DCTPP1: variants seen among roughly 807,000 people sequenced by gnomAD.
DCTPP1 encodes dCTP pyrophosphatase 1.
DCTPP1 carries 8 observed loss-of-function variants against 8.8 expected under a neutral mutation model. That is an observed-to-expected ratio of 0.91 (90% CI 0.54 to 1.64). The LOEUF (loss-of-function observed/expected upper bound fraction) is 1.64, where lower values mean the gene tolerates loss of function less well. DCTPP1 is among the 40% of genes most tolerant of loss of function. The probability of loss-of-function intolerance (pLI) is 0.00; values close to 1 mark genes in which losing one functional copy is unlikely to be tolerated. For synonymous variants in DCTPP1, 85 were observed against 92.1 expected (o/e 0.92, Z 0.44); for missense variants, 231 against 230.4 (o/e 1.00, Z -0.02).
intron 2 of DCTPP1, 138 bp downstream of exon 2, chr16:30,428,917 CCT>C: frequency 1.2e-6 from 1 of 864,832 alleles, no homozygotes; most frequent in South Asian, 1.9e-5. Flanking sequence ...ACCCGTGAGT[CCT>C]CTCTGCATCC....
Position 30,429,960 on chromosome 16 carries a change from C to G in DCTPP1, c.21G>C (p.Glu7Asp). MSVAGG[E>D]IRGDTGGEDT... Reference sequence around the variant, plus strand: ...CCTCTCCCCCCGTGTCCCCACGAATCTCCCCACCGGCCACAGACATGCCGC... The same window carrying G: ...CCTCTCCCCCCGTGTCCCCACGAATGTCCCCACCGGCCACAGACATGCCGC... Residue 7 changes from glutamate to aspartate, a missense_variant, in exon 1 of 3, where the codon GAG (glutamate) becomes GAC (aspartate). Glu to Asp is a conservative substitution (Grantham distance 45, BLOSUM62 2). Coordinates refer to ENST00000319285, the MANE Select transcript of DCTPP1 (RefSeq NM_024096.2). 1 of 1,578,646 alleles carries G rather than the reference C, an allele frequency of 6.3e-7. No individual in the cohort carries two copies. The highest frequency in any genetic ancestry group is 2.5e-5 in the East Asian group (1 of 39,944).
chr16:30,428,913 G>A lies in DCTPP1; in HGVS notation c.212+144C>T, dbSNP rs555862703. 3.4e-5 allele frequency: 28 copies of A among 813,948 alleles called. No individual in the cohort carries two copies. In the East Asian group the frequency reaches 6.7e-4, roughly 19 times the overall value. 50.4% of individuals were successfully genotyped at this position (813,948 alleles called of 1,614,324 possible). A position where few individuals can be genotyped will look rare whatever the true frequency, so the allele number is the denominator to read the frequency against. On this transcript the variant is annotated intron_variant, in intron 2 of 2. Coordinates refer to ENST00000319285, the MANE Select transcript of DCTPP1 (RefSeq NM_024096.2). ...GTGCCCCTAGAGGGCAGGGACCCGT[G>A]AGTCCTCTCTGCATCCCAACAACAG...
chr16:30,425,732 G>A (rs1332226573), intron 2 of DCTPP1, among the ~76,000 whole-genome samples: 3 of 151,828 alleles, frequency 2.0e-5, no homozygotes, highest in Non-Finnish European at 2.9e-5. Context: ...CAGAAGAATC[G>A]CTTGAACCCG....
chr16:30,425,010 TG>T (rs1311560478), intron 2 of DCTPP1, among the ~76,000 whole-genome samples: 1 of 152,238 alleles, frequency 6.6e-6, no homozygotes, highest in African/African-American at 2.4e-5. Context: ...TCTTCCGAGT[TG>T]CTGGGATTAC....
At chr16:30,427,158 C>T (rs1325818609) in intron 2 of DCTPP1, among the ~76,000 whole-genome samples, 51 of 151,454 alleles carry the variant, frequency 3.4e-4, no homozygotes, top group Admixed American at 3.2e-3. Context: ...TACAGGCGCC[C>T]GCCACCACGC....
At position 30,429,156 on chromosome 16, in the gene DCTPP1, T is replaced by G; in HGVS notation, c.113A>C (p.His38Pro). Residue 38 changes from histidine to proline, a missense_variant, in exon 2 of 3, where the codon CAT (histidine) becomes CCT (proline). Physicochemically the swap from His to Pro is moderately conservative, Grantham distance 77. Transcript: ENST00000319285. ...EPTLEDIRRL[H>P]AEFAAERDWE... ...GTCTCGTTCCGCAGCAAACTCAGCA[T>G]GGAGGCGGCGGCTGAAATAGGACAA... The G allele has an allele frequency of 3.1e-6, 5 of 1,614,024 alleles. No homozygotes were observed. Among genetic ancestry groups the G allele is most frequent in the Non-Finnish European group, 4.2e-6 (5 of 1,179,978 alleles).
In DCTPP1 at chr16:30,429,885, C is replaced by T. The variant is rs763517545; in HGVS notation, c.96G>A (p.Glu32=). 5.0e-6 allele frequency: 8 copies of T among 1,598,464 alleles called. No individual in the cohort carries two copies. The South Asian group carries it at 7.8e-5, about 16-fold the overall frequency. ...GCTGGGCCAGGCCTGCTTACATGTC[C>T]TCGAGCGTGGGCTCCGGGCTGAAGC... is the stretch of plus-strand genomic sequence containing the variant. ...RFSFSPEPTL[E]DIRRLHAEFA... Residue 32 remains glutamate, a synonymous_variant, in exon 1 of 3, where the codon GAG becomes GAA. Coordinates refer to ENST00000319285, the MANE Select transcript of DCTPP1 (RefSeq NM_024096.2).
rs1191704825 is a variant in DCTPP1, at chr16:30,423,913, C to G, written c.*320G>C. On this transcript the variant is annotated 3_prime_UTR_variant, in exon 3 of 3. Coordinates refer to ENST00000319285, the MANE Select transcript of DCTPP1 (RefSeq NM_024096.2). The stretch of plus-strand genomic sequence containing the variant: ...GGAATTTGCTAGAAACCAGATCTCT[C>G]TGCCCTGCAGGCAAAAGGTACAACA... The G allele has an allele frequency of 6.8e-6, 2 of 292,340 alleles. No homozygotes were observed. Among genetic ancestry groups the G allele is most frequent in the Non-Finnish European group, 1.3e-5 (2 of 156,570 alleles). The allele number at this position is 292,340 out of a possible 1,614,324, so 18.1% of individuals were successfully genotyped here.
In DCTPP1 at chr16:30,429,122, C is replaced by T. The variant is rs748138253; in HGVS notation, c.147G>A (p.Gln49=). Residue 49 remains glutamine (Q), a synonymous_variant, in exon 2 of 3, where the codon CAG becomes CAA. Transcript: ENST00000319285. ...GGAGGAGATTCCGAGGCTGATGGAA[C>T]TGTTCCCAGTCTCGTTCCGCAGCAA... is the stretch of plus-strand genomic sequence containing the variant. ...AEFAAERDWE[Q]FHQPRNLLLA... 37 of 1,613,930 alleles carry T rather than the reference C, an allele frequency of 2.3e-5. No individual in the cohort carries two copies. The highest frequency in any genetic ancestry group is 3.1e-5 in the Non-Finnish European group (36 of 1,179,980).
Position 30,424,297 on chromosome 16 carries a change from G to C in DCTPP1, c.449C>G (p.Ser150Cys), listed in dbSNP as rs748357337. The change falls in exon 3 of 3, where the codon TCT (serine) becomes TGT (cysteine). Residue 150 changes from serine (S) to cysteine (C), a missense_variant. Physicochemically the swap from Ser to Cys is moderately radical, Grantham distance 112 (BLOSUM62 -1). Transcript: ENST00000319285. Reference sequence around the variant, plus strand: ...CGCAGGCCCCACAGCCTGGTCTTCAGAGATGGCCCCATGGGGCAATTCTGT... The same window carrying C: ...CGCAGGCCCCACAGCCTGGTCTTCACAGATGGCCCCATGGGGCAATTCTGT... The part of the protein sequence containing the change: ...KYTELPHGAI[S>C]EDQAVGPADI... The C allele has an allele frequency of 5.0e-6, 8 of 1,614,262 alleles. No homozygotes were observed. In the South Asian group the frequency reaches 5.5e-5, roughly 11 times the overall value.
rs543674443 is a variant in DCTPP1, at chr16:30,429,943, C to T, written c.38G>A (p.Gly13Glu). ...GCCGGGAGCAGCAGTGTCCTCTCCC[C>T]CCGTGTCCCCACGAATCTCCCCACC... Reference protein sequence around the residue: ...VAGGEIRGDTGGEDTAAPGRF... With the variant: ...VAGGEIRGDTEGEDTAAPGRF... Residue 13 changes from glycine (G) to glutamate (E), a missense_variant, in exon 1 of 3, where the codon GGG becomes GAG. Gly to Glu is a moderately conservative substitution (Grantham distance 98, BLOSUM62 -2). Coordinates refer to ENST00000319285, the MANE Select transcript of DCTPP1 (RefSeq NM_024096.2). 1.3e-6 allele frequency: 2 copies of T among 1,586,306 alleles called. No individual in the cohort carries two copies. The highest frequency in any genetic ancestry group is 1.7e-6 in the Non-Finnish European group (2 of 1,167,662).
intron 2 of DCTPP1, among the ~76,000 whole-genome samples, chr16:30,426,618 C>T (rs779761366): frequency 3.9e-5 from 6 of 151,928 alleles, no homozygotes; most frequent in Admixed American, 6.6e-5. Context: ...ATTATAGGCG[C>T]CTGTGACCAC....
chr16:30,428,841 T>C (rs1484307334), intron 2 of DCTPP1: 1 of 460,148 alleles, frequency 2.2e-6, no homozygotes, highest in African/African-American at 2.0e-5. Flanking sequence ...AGACGGGACC[T>C]GTCCTGATGC....
At position 30,429,935 on chromosome 16, in the gene DCTPP1, C is replaced by T. The variant is rs1270297565; in HGVS notation, c.46G>A (p.Asp16Asn). The T allele has an allele frequency of 6.3e-7, 1 of 1,590,946 alleles. No individual in the cohort carries two copies. Among genetic ancestry groups the T allele is most frequent in the South Asian group, 1.1e-5 (1 of 89,210 alleles). ...GEIRGDTGGE[D>N]TAAPGRFSFS... ...CTGAACCGGCCGGGAGCAGCAGTGT[C>T]CTCTCCCCCCGTGTCCCCACGAATC... The change falls in exon 1 of 3, where the codon GAC (aspartate) becomes AAC (asparagine). Residue 16 changes from aspartate (D) to asparagine (N), a missense_variant. Asp to Asn is a conservative substitution (Grantham distance 23). Transcript: ENST00000319285.
Position 30,424,512 on chromosome 16 carries a change from T to C in DCTPP1, c.234A>G (p.Glu78=), listed in dbSNP as rs1483033095. ...AELFQWKTDG[E]PGPQGWSPRE... ...TGGGGGACCAGCCTTGGGGGCCAGG[T>C]TCCCCATCGGTTTTCCACTGACTAG... Residue 78 remains glutamate (E), a synonymous_variant, in exon 3 of 3, where the codon GAA becomes GAG. Coordinates refer to ENST00000319285, the MANE Select transcript of DCTPP1 (RefSeq NM_024096.2). 3 of 1,613,934 alleles carry C rather than the reference T, an allele frequency of 1.9e-6. No homozygotes were observed. The Admixed American group carries it at 5.0e-5, about 27-fold the overall frequency.
rs953946509 is a variant in DCTPP1, at chr16:30,426,984, A to T, written c.212+2073T>A. Among the ~76,000 whole-genome samples the T allele has an allele frequency of 2.1e-4, 31 of 145,770 alleles. 1 individual carries two copies. The highest frequency in any genetic ancestry group is 1.7e-3 in the Admixed American group (24 of 14,456). On this transcript the variant is annotated intron_variant, in intron 2 of 2. Transcript: ENST00000319285. ...CCAAAGTGCTGGGATTACAGGTGTG[A>T]GCCACCGCACCTGGACCTTTTTCGT...
chr16:30,425,005 C>G (rs1218843530), intron 2 of DCTPP1, among the ~76,000 whole-genome samples: 1 of 152,252 alleles, frequency 6.6e-6, no homozygotes, highest in Non-Finnish European at 1.5e-5. Context: ...CTCCGTCTTC[C>G]GAGTTGCTGG....
chr16:30,424,108 G>T lies in DCTPP1; in HGVS notation c.*125C>A. On this transcript the variant is annotated 3_prime_UTR_variant, in exon 3 of 3. Transcript: ENST00000319285. Reference sequence around the variant, plus strand: ...ACCTTCTAGAGGCTGCTGGGCCTCAGACCTCAAGAAGTGGAGGCCTCAGGC... The same window carrying T: ...ACCTTCTAGAGGCTGCTGGGCCTCATACCTCAAGAAGTGGAGGCCTCAGGC... 1.7e-6 allele frequency: 2 copies of T among 1,208,470 alleles called. No homozygotes were observed. The highest frequency in any genetic ancestry group is 2.3e-6 in the Non-Finnish European group (2 of 887,044). The allele number at this position is 1,208,470 out of a possible 1,614,324, so 74.9% of individuals were successfully genotyped here.
chr16:30,425,843 C>T (rs566666962), intron 2 of DCTPP1, among the ~76,000 whole-genome samples: 5 of 152,240 alleles, frequency 3.3e-5, no homozygotes, highest in East Asian at 1.9e-4. Context: ...CAAAACAAAA[C>T]GAGACCCCAC....
Sources: allele counts gnomAD v4.1 joint callset (sites outside exome capture counted in the v4.1 genomes callset), GRCh38; gene constraint gnomAD v4.1.1; transcripts MANE v1.5; gene names NCBI Gene and HGNC (gene_info 2026-07-23, HGNC 2026-07-21).